Variants in RIMS2 observed in about 807,000 individuals in gnomAD.
RIMS2 encodes the protein regulating synaptic membrane exocytosis 2.
A neutral mutation model predicts 174.4 loss-of-function variants in RIMS2; 59 were observed. The observed-to-expected ratio is 0.34, with a 90% CI of 0.27 to 0.42. RIMS2 has a LOEUF of 0.42. Among genes scored for constraint, RIMS2 ranks in the 10% least tolerant of loss-of-function variants. The probability of loss-of-function intolerance (pLI) is 1.00; values close to 1 mark genes in which losing one functional copy is unlikely to be tolerated. For synonymous variants in RIMS2, 606 were observed against 572.5 expected, an observed-to-expected ratio of 1.06 and a Z score of -0.84; for missense variants, 1,620 against 1,666.3, an observed-to-expected ratio of 0.97 and a Z score of 0.48.
At chr8:103,568,767 A>G in intron 1 of RIMS2, 1 of 1,110,094 alleles carries the variant, frequency 9.0e-7, no homozygotes, top group Non-Finnish European at 1.4e-6. Context: ...TAAGGAATCT[A>G]TCAAAACATG....
chr8:104,046,199 T>G (rs2096691741), intron 19 of RIMS2, among the ~76,000 whole-genome samples: 1 of 152,016 alleles, frequency 6.6e-6, no homozygotes, highest in Non-Finnish European at 1.5e-5. Context: ...AGGGCCTGCT[T>G]TCTGGTTCAT....
chr8:103,677,789 G>T (rs2096833919), intron 1 of RIMS2, among the ~76,000 whole-genome samples: 1 of 152,156 alleles, frequency 6.6e-6, no homozygotes, highest in African/African-American at 2.4e-5. Flanking sequence ...CAGTGCTTCT[G>T]TGTGGTTGGA....
intron 2 of RIMS2, among the ~76,000 whole-genome samples, chr8:103,738,233 T>G (rs2097712790): frequency 2.0e-5 from 3 of 152,198 alleles, no homozygotes; most frequent in African/African-American, 7.2e-5. Flanking sequence ...ATCATTTTAT[T>G]AAGTTATTGT....
chr8:104,019,592 G>A (rs930116314), intron 19 of RIMS2, among the ~76,000 whole-genome samples: 4 of 152,034 alleles, frequency 2.6e-5, no homozygotes, highest in Non-Finnish European at 5.9e-5. Context: ...TCATAAAGGC[G>A]ACAAATATCA....
Position 104,217,644 on chromosome 8 carries a change from T to C in RIMS2, c.3335-27272T>C, listed in dbSNP as rs2099136770. On this transcript the variant is annotated intron_variant, in intron 19 of 23. Coordinates refer to ENST00000504942, the Ensembl canonical transcript of RIMS2. ...AGCTACTGAAGTATTACATCTGCTC[T>C]TCACTCTTGAAACCTGCTGAGTAAA... Among the ~76,000 whole-genome samples the C allele has an allele frequency of 1.3e-5, 2 of 152,218 alleles. 1 individual carries two copies. The highest frequency in any genetic ancestry group is 4.1e-4 in the South Asian group (2 of 4,838).
intron 2 of RIMS2, among the ~76,000 whole-genome samples, chr8:103,745,536 C>T (rs533587229): frequency 3.3e-4 from 50 of 152,250 alleles, no homozygotes; most frequent in Non-Finnish European, 6.6e-4. Flanking sequence ...TTTTGAGGAA[C>T]TACCAAGTTG....
intron 2 of RIMS2, among the ~76,000 whole-genome samples, chr8:103,713,880 T>G (rs1426171794): frequency 6.6e-6 from 1 of 152,182 alleles, no homozygotes; most frequent in African/African-American, 2.4e-5. Flanking sequence ...CTACTTACAC[T>G]TCTCTTATTT....
intron 3 of RIMS2, among the ~76,000 whole-genome samples, chr8:103,791,706 A>G (rs1163198886): frequency 1.3e-5 from 2 of 152,202 alleles, no homozygotes; most frequent in African/African-American, 4.8e-5. Flanking sequence ...CATAGACTCA[A>G]AATAAAGGGA....
chr8:103,913,407 C>T lies in RIMS2; in HGVS notation c.1812+1235C>T, dbSNP rs925827194. The stretch of plus-strand genomic sequence containing the variant: ...TGTGATCACACCACTGAATTCCAGC[C>T]TGGGCAACAGAGTGAGACTCTGTCT... On this transcript the variant is annotated intron_variant, in intron 6 of 23. Coordinates refer to ENST00000504942, the Ensembl canonical transcript of RIMS2. Among the ~76,000 whole-genome samples, 8 of 152,070 alleles carry T rather than the reference C, an allele frequency of 5.3e-5. No homozygotes were observed. In the South Asian group the frequency reaches 1.5e-3, roughly 28 times the overall value.
chr8:104,099,709 T>A (rs2097835720), intron 19 of RIMS2, among the ~76,000 whole-genome samples: 1 of 152,212 alleles, frequency 6.6e-6, no homozygotes, highest in Non-Finnish European at 1.5e-5. Flanking sequence ...ATTGTTGCCA[T>A]TTTAAGAATA....
chr8:103,729,313 G>A (rs1242480840), intron 2 of RIMS2, among the ~76,000 whole-genome samples: 1 of 152,054 alleles, frequency 6.6e-6, no homozygotes, highest in African/African-American at 2.4e-5. Context: ...TAGGTTGTAT[G>A]TGTCTATGAA....
chr8:103,957,792 A>G (rs55947402), intron 14 of RIMS2, among the ~76,000 whole-genome samples: 19,314 of 152,232 alleles, frequency 0.13, 1,688 homozygotes, highest in Non-Finnish European at 0.19. Flanking sequence ...GCCAACAAGC[A>G]TATAAAATAA....
intron 2 of RIMS2, among the ~76,000 whole-genome samples, chr8:103,721,442 G>T (rs753410407): frequency 6.6e-6 from 1 of 152,144 alleles, no homozygotes; most frequent in Non-Finnish European, 1.5e-5. Flanking sequence ...ATTATAAAAA[G>T]TGTATATGAC....
At chr8:103,720,274 G>T (rs1488701056) in intron 2 of RIMS2, among the ~76,000 whole-genome samples, 1 of 152,096 alleles carries the variant, frequency 6.6e-6, no homozygotes, top group East Asian at 1.9e-4. Context: ...TCTTCTAGCT[G>T]CTCATTGTTA....
At chr8:103,666,724 T>C (rs1174070199) in intron 1 of RIMS2, among the ~76,000 whole-genome samples, 2 of 152,200 alleles carry the variant, frequency 1.3e-5, no homozygotes, top group East Asian at 3.8e-4. Context: ...TAAGGCCTAG[T>C]GTATGAGCTC....
intron 11 of RIMS2, among the ~76,000 whole-genome samples, chr8:103,930,673 A>G (rs1471610390): frequency 6.6e-6 from 1 of 152,046 alleles, no homozygotes; most frequent in Admixed American, 6.6e-5. Context: ...CAAAAGAATG[A>G]GACTTAATGT....
intron 3 of RIMS2, among the ~76,000 whole-genome samples, chr8:103,778,087 A>G (rs1318123524): frequency 2.6e-5 from 4 of 152,078 alleles, no homozygotes; most frequent in Admixed American, 6.6e-5. Context: ...TAGAAGTAAA[A>G]AAATGGAGTG....
intron 19 of RIMS2, among the ~76,000 whole-genome samples, chr8:104,178,625 C>A (rs1377037695): frequency 6.6e-6 from 1 of 152,092 alleles, no homozygotes; most frequent in Non-Finnish European, 1.5e-5. Context: ...CTTTAGAATT[C>A]TGCCTACCAT....
intron 4 of RIMS2, among the ~76,000 whole-genome samples, chr8:103,891,032 A>C (rs2154521488): frequency 6.6e-6 from 1 of 152,032 alleles, no homozygotes; most frequent in East Asian, 1.9e-4. Context: ...AAATATCCCC[A>C]GACATTACAA....
Sources: gnomAD v4.1 joint callset for allele counts (sites outside exome capture counted in the v4.1 genomes callset) on GRCh38, gnomAD v4.1.1 for gene constraint, MANE v1.5 for transcripts, NCBI Gene and HGNC (gene_info 2026-07-23, HGNC 2026-07-21) for gene names.